The following DOP1A variants were observed in gnomAD, a reference collection of about 807,000 sequenced individuals.
DOP1A encodes protein DOP1A.
Under a neutral mutation model 267.6 loss-of-function variants are expected in DOP1A, and 90 were observed. The observed-to-expected ratio is 0.34, with a 90% CI of 0.28 to 0.40. The LOEUF is 0.40. DOP1A is among the 10% of genes least tolerant of loss of function. DOP1A has a pLI of 1.00. For missense variants in DOP1A, 2,437 were observed against 2,900.4 expected (o/e 0.84, Z 3.67); for synonymous variants, 932 against 999.1 (o/e 0.93, Z 1.27).
rs779773472 is a variant in DOP1A at position 83,129,157 on chromosome 6, C to G, written c.1990C>G (p.Arg664Gly). The change falls in exon 16 of 39, where the codon CGA becomes GGA. Residue 664 changes from arginine (R) to glycine (G), a missense_variant. Arg to Gly is a moderately radical substitution (Grantham distance 125). Around this residue, in one of 9 missense-constraint regions of DOP1A, gnomAD observed 498 missense variants for 513.5 expected, o/e 0.97. Transcript: ENST00000349129. Reference protein sequence around the residue: ...PSVVTQGTATRSRKTAQKTAM... With the variant: ...PSVVTQGTATGSRKTAQKTAM... ...CGTAGTCACTCAGGGGACAGCAACCCGAAGTAGGAAGACAGCCCAAAAGAC... is the reference window on the plus strand; with the variant it reads ...CGTAGTCACTCAGGGGACAGCAACCGGAAGTAGGAAGACAGCCCAAAAGAC... 3.7e-6 allele frequency: 6 copies of G among 1,612,796 alleles called. No homozygotes were observed. Among genetic ancestry groups the G allele is most frequent in the Non-Finnish European group, 5.1e-6 (6 of 1,179,418 alleles).
At position 83,122,940 on chromosome 6, in the gene DOP1A, A is replaced by G. The variant is rs1476478418; in HGVS notation, c.1298A>G (p.Tyr433Cys). The change falls in exon 12 of 39, where the codon TAT becomes TGT. Residue 433 changes from tyrosine to cysteine, a missense_variant. Around this residue, in one of 9 missense-constraint regions of DOP1A, gnomAD observed 498 missense variants for 513.5 expected, o/e 0.97. Coordinates refer to ENST00000349129, the MANE Select transcript of DOP1A (RefSeq NM_015018.4). ...CTCTTTAATTCCTTCGAACCTTATTATATGTGGGATTATGTTGCACGCTGG... is the reference window on the plus strand; with the variant it reads ...CTCTTTAATTCCTTCGAACCTTATTGTATGTGGGATTATGTTGCACGCTGG... ...NLLFNSFEPY[Y>C]MWDYVARWFE... 1.3e-6 allele frequency: 2 copies of G among 1,581,080 alleles called. No homozygotes were observed. The highest frequency in any genetic ancestry group is 2.3e-5 in the East Asian group (1 of 42,642).
At position 83,096,829 on chromosome 6, in the gene DOP1A, G is replaced by C. The variant is rs767586091; in HGVS notation, c.-54+6G>C. ...AGTTTCAACCACTGCTAACAGTAAG[G>C]AACATTTTCAAGTTAGTCATTACCT... is the stretch of plus-strand genomic sequence containing the variant. On this transcript the variant is annotated splice_donor_region_variant and intron_variant, in intron 2 of 38. Coordinates refer to ENST00000349129, the MANE Select transcript of DOP1A (RefSeq NM_015018.4). The C allele has an allele frequency of 3.5e-6, 3 of 868,698 alleles. No homozygotes were observed. The highest frequency in any genetic ancestry group is 5.6e-5 in the Admixed American group (2 of 35,906). 53.8% of individuals were successfully genotyped at this position (868,698 alleles called of 1,614,324 possible).
chr6:83,072,210 T>G (rs1785738556), intron 1 of DOP1A, among the ~76,000 whole-genome samples: 1 of 152,320 alleles, frequency 6.6e-6, no homozygotes, highest in East Asian at 1.9e-4. Context: ...GAGTTACTTA[T>G]AGGCATATAT....
At chr6:83,147,171 T>C in intron 25 of DOP1A, 65 bp from the exon 26 acceptor site, 1 of 760,226 alleles carries the variant, frequency 1.3e-6, no homozygotes, top group Non-Finnish European at 2.1e-6. Flanking sequence ...ACAGAGTAGT[T>C]GCAACAATGA....
intron 24 of DOP1A, among the ~76,000 whole-genome samples, chr6:83,145,204 A>ATATATAATATGTATAT (rs1554246758): frequency 4.6e-3 from 3 of 646 alleles, no homozygotes; most frequent in Non-Finnish European, 9.0e-3. Flanking sequence ...ATATATATAT[A>ATATATAATATGTATAT]ATAATATATA....
chr6:83,140,271 C>T lies in DOP1A; in HGVS notation c.5283C>T (p.Ile1761=). The T allele has an allele frequency of 1.2e-6, 2 of 1,613,514 alleles. No individual in the cohort carries two copies. The highest frequency in any genetic ancestry group is 1.7e-6 in the Non-Finnish European group (2 of 1,179,872). ...QKHLFEARSG[I]LSILHMIMSS... is the part of the protein sequence containing the mutation. ...ACTTGTTTGAAGCACGCAGTGGAAT[C>T]CTCTCAATCCTTCATATGATCATGT... is the stretch of plus-strand genomic sequence containing the variant. Residue 1761 remains isoleucine (I), a synonymous_variant, in exon 23 of 39, where the codon ATC becomes ATT. Coordinates refer to ENST00000349129, the MANE Select transcript of DOP1A (RefSeq NM_015018.4).
intron 19 of DOP1A, among the ~76,000 whole-genome samples, chr6:83,135,181 C>T (rs796310320): frequency 3.3e-5 from 5 of 152,008 alleles, no homozygotes; most frequent in African/African-American, 1.2e-4. Flanking sequence ...ACTTTCATAC[C>T]TTCCACAGAT....
chr6:83,166,663 C>T (rs1015779570), intron 38 of DOP1A: 5 of 1,258,502 alleles, frequency 4.0e-6, no homozygotes, highest in Non-Finnish European at 5.1e-6. Flanking sequence ...GCAAAAACCG[C>T]AATTACGTTT....
At chr6:83,141,713 G>A (rs920392878) in intron 23 of DOP1A, among the ~76,000 whole-genome samples, 1 of 151,908 alleles carries the variant, frequency 6.6e-6, no homozygotes, top group African/African-American at 2.4e-5. Flanking sequence ...TTGGCTGATT[G>A]GTAGCCGTCA....
intron 23 of DOP1A, 46 bp downstream of exon 23, chr6:83,140,449 C>A (rs770418545): frequency 2.1e-6 from 3 of 1,406,436 alleles, no homozygotes; most frequent in South Asian, 1.4e-5. Flanking sequence ...AGTCTGAGGA[C>A]CTTCCCAAAG....
intron 4 of DOP1A, among the ~76,000 whole-genome samples, chr6:83,108,389 G>T (rs1355372252): frequency 6.6e-6 from 1 of 152,096 alleles, no homozygotes; most frequent in Non-Finnish European, 1.5e-5. Context: ...TATTTCCTGG[G>T]CTGGTCTTAA....
rs918198492 is a variant in DOP1A at position 83,113,389 on chromosome 6, A to G, written c.748A>G (p.Ile250Val). 2.5e-6 allele frequency: 4 copies of G among 1,613,350 alleles called. No individual in the cohort carries two copies. Among genetic ancestry groups the G allele is most frequent in the Non-Finnish European group, 3.4e-6 (4 of 1,179,502 alleles). The change falls in exon 7 of 39, where the codon ATA (isoleucine) becomes GTA (valine). Residue 250 changes from isoleucine to valine, a missense_variant. By Grantham distance (29) the Ile-to-Val change is conservative. Transcript: ENST00000349129. ...TGTACAGAGAAGCACACTGGACCTC[A>G]TACTCTTCTGTTTTCCATTCCACAT... Reference protein sequence around the residue: ...VLVQRSTLDLILFCFPFHMSQ... With the variant: ...VLVQRSTLDLVLFCFPFHMSQ...
At chr6:83,104,549 C>G (rs1773230324) in intron 4 of DOP1A, among the ~76,000 whole-genome samples, 1 of 151,866 alleles carries the variant, frequency 6.6e-6, no homozygotes, top group Admixed American at 6.6e-5. Context: ...GTATTCTGTT[C>G]TCTGGAACAG....
chr6:83,104,929 T>C (rs553342687), intron 4 of DOP1A, among the ~76,000 whole-genome samples: 1 of 152,106 alleles, frequency 6.6e-6, no homozygotes, highest in South Asian at 2.1e-4. Flanking sequence ...TTCTACTGTG[T>C]ATGTGTTTAC....
intron 34 of DOP1A, 73 bp from the exon 35 acceptor site, chr6:83,157,109 T>C (rs1782972884): frequency 6.8e-7 from 1 of 1,474,640 alleles, no homozygotes; most frequent in Admixed American, 2.1e-5. Flanking sequence ...TTGAGAGTAC[T>C]GGACCGACAA....
At chr6:83,120,901 A>G (rs1287608788) in intron 10 of DOP1A, 110 bp downstream of exon 10, 60 of 735,576 alleles carry the variant, frequency 8.2e-5, no homozygotes, top group Non-Finnish European at 1.4e-5. Flanking sequence ...GCCTTTAAAT[A>G]TAAGTTCTCA....
In DOP1A at chr6:83,159,996, G is replaced by T. The variant is rs377329447; in HGVS notation, c.6962+36G>T. 135 of 1,604,970 alleles carry T rather than the reference G, an allele frequency of 8.4e-5. 1 individual carries two copies. Among genetic ancestry groups the T allele is most frequent in the Non-Finnish European group, 1.1e-4 (127 of 1,174,460 alleles). ...GCAAGGATATTAAATGGTTATTTTT[G>T]AAAGTGCATTTGCTTTGGTCACTGA... is the stretch of plus-strand genomic sequence containing the variant. On this transcript the variant is annotated intron_variant, in intron 37 of 38. Coordinates refer to ENST00000349129, the MANE Select transcript of DOP1A (RefSeq NM_015018.4).
downstream of DOP1A, chr6:83,170,555 C>A: frequency 9.0e-7 from 1 of 1,105,520 alleles, no homozygotes; most frequent in South Asian, 1.6e-5. Flanking sequence ...ATACATTCTA[C>A]GAAAAGTGCC....
intron 38 of DOP1A, chr6:83,166,723 A>G: frequency 1.4e-5 from 17 of 1,201,458 alleles, no homozygotes; most frequent in Admixed American, 4.4e-5. Context: ...AAAATAAGCA[A>G]TAAGCTTGAG....
Sources: allele counts gnomAD v4.1 joint callset (sites outside exome capture counted in the v4.1 genomes callset), GRCh38; gene constraint gnomAD v4.1.1; regional missense constraint gnomAD v4.1.1; transcripts MANE v1.5; gene names NCBI Gene and HGNC (gene_info 2026-07-23, HGNC 2026-07-21).